RELN: variants seen among roughly 807,000 people sequenced by gnomAD.
RELN encodes the protein reelin.
In RELN, 108 loss-of-function variants were observed where a neutral mutation model predicts 427.6. The ratio of observed to expected loss-of-function variants is 0.25; its 90% CI spans 0.22 to 0.30. The LOEUF is 0.30. RELN is among the 10% of genes least tolerant of loss of function. RELN has a pLI of 1.00. For synonymous variants in RELN, 1,524 were observed against 1,513.4 expected (o/e 1.01, Z -0.16); for missense variants, 3,715 against 4,302.8 (o/e 0.86, Z 3.82).
chr7:103,923,270 C>T (rs1220912711), intron 1 of RELN, among the ~76,000 whole-genome samples: 1 of 152,116 alleles, frequency 6.6e-6, no homozygotes, highest in East Asian at 1.9e-4. Context: ...CCTTAAAGTG[C>T]CACTAGCTCT....
chr7:103,578,589 T>G (rs958059897), intron 28 of RELN, among the ~76,000 whole-genome samples: 2 of 152,228 alleles, frequency 1.3e-5, no homozygotes, highest in Non-Finnish European at 2.9e-5. Flanking sequence ...TGGTTCCTGA[T>G]GTCTGCTGCT....
At chr7:103,717,826 C>T (rs57349296) in intron 8 of RELN, among the ~76,000 whole-genome samples, 4,319 of 151,936 alleles carry the variant, frequency 0.028, 215 homozygotes, top group African/African-American at 0.099. Context: ...TCAGTAAGTT[C>T]GTGGAGGAAA....
At chr7:103,936,642 T>TAACTTTTCCCTCCCCC (rs375974030) in intron 1 of RELN, among the ~76,000 whole-genome samples, 1 of 151,864 alleles carries the variant, frequency 6.6e-6, no homozygotes. Context: ...TATCCACACT[T>TAACTTTTCCCTCCCCC]AACTTTTCCC....
intron 6 of RELN, among the ~76,000 whole-genome samples, chr7:103,743,347 G>A (rs1790721801): frequency 6.6e-6 from 1 of 152,262 alleles, no homozygotes; most frequent in African/African-American, 2.4e-5. Context: ...GGAAGAAACT[G>A]CACCAACTAA....
chr7:103,839,248 A>G lies in RELN; in HGVS notation c.338-5576T>C, dbSNP rs532984676. Among the ~76,000 whole-genome samples the G allele has an allele frequency of 2.0e-5, 3 of 149,486 alleles. No individual in the cohort carries two copies. The South Asian group carries it at 6.3e-4, about 31-fold the overall frequency. Reference sequence around the variant, plus strand: ...AATCCTAAAACCATCCCAAACATGTATTCTCTGGACCTTTCTATGCAACTT... The same window carrying G: ...AATCCTAAAACCATCCCAAACATGTGTTCTCTGGACCTTTCTATGCAACTT... On this transcript the variant is annotated intron_variant, in intron 2 of 64. Coordinates refer to ENST00000428762, the MANE Select transcript of RELN (RefSeq NM_005045.4).
At chr7:103,599,758 G>A (rs562437941) in intron 24 of RELN, among the ~76,000 whole-genome samples, 1 of 152,278 alleles carries the variant, frequency 6.6e-6, no homozygotes, top group Non-Finnish European at 1.5e-5. Context: ...AACTTGGATG[G>A]TGAGAAGAGC....
At chr7:103,549,127 T>G (rs1276017388) in intron 41 of RELN, among the ~76,000 whole-genome samples, 1 of 152,172 alleles carries the variant, frequency 6.6e-6, no homozygotes, top group East Asian at 1.9e-4. Flanking sequence ...GCTCTGTATC[T>G]AGAAGCCTGT....
chr7:103,472,779 T>A lies in RELN; in HGVS notation c.*33A>T, dbSNP rs750449216. The A allele has an allele frequency of 2.2e-5, 32 of 1,483,650 alleles. 1 individual carries two copies. Among genetic ancestry groups the A allele is most frequent in the Middle Eastern group, 3.5e-4 (2 of 5,794 alleles). The allele number at this position is 1,483,650 out of a possible 1,614,324, so 91.9% of individuals were successfully genotyped here. A position where few individuals can be genotyped will look rare whatever the true frequency, so the allele number is the denominator to read the frequency against. On this transcript the variant is annotated 3_prime_UTR_variant, in exon 65 of 65. Coordinates refer to ENST00000428762, the MANE Select transcript of RELN (RefSeq NM_005045.4). ...AAAGAATGGAGAGCAACACATCACA[T>A]GTTGGAAGAAAAAAAATAAACTTTT...
intron 3 of RELN, among the ~76,000 whole-genome samples, chr7:103,819,437 C>T (rs962710635): frequency 2.0e-5 from 3 of 151,936 alleles, no homozygotes; most frequent in African/African-American, 7.2e-5. Flanking sequence ...GTATATATTC[C>T]AGATATAATA....
intron 7 of RELN, among the ~76,000 whole-genome samples, chr7:103,723,762 C>G (rs988096849): frequency 6.6e-6 from 1 of 152,008 alleles, no homozygotes; most frequent in African/African-American, 2.4e-5. Context: ...AACCAGAAGC[C>G]TTGAACTGTA....
intron 2 of RELN, among the ~76,000 whole-genome samples, chr7:103,898,855 A>G (rs575039982): frequency 3.9e-5 from 6 of 152,232 alleles, no homozygotes; most frequent in Admixed American, 3.3e-4. Context: ...TTTAAATTAC[A>G]CAAGCAATTG....
At chr7:103,659,561 C>A (rs1833093792) in intron 12 of RELN, among the ~76,000 whole-genome samples, 1 of 152,048 alleles carries the variant, frequency 6.6e-6, no homozygotes, top group African/African-American at 2.4e-5. Flanking sequence ...AAATTTAAAT[C>A]ATGCCCATCC....
Position 103,658,162 on chromosome 7 carries a change from G to C in RELN, c.1441+3214C>G, listed in dbSNP as rs535546757. 8.5e-5 allele frequency among the ~76,000 whole-genome samples: 13 copies of C among 152,220 alleles called. No homozygotes were observed. The South Asian group carries it at 2.5e-3, about 29-fold the overall frequency. Reference sequence around the variant, plus strand: ...ACAGTGCTCTGTACTGGTCCTCAATGAATGTGTTGAATACGTCAATATATG... The same window carrying C: ...ACAGTGCTCTGTACTGGTCCTCAATCAATGTGTTGAATACGTCAATATATG... On this transcript the variant is annotated intron_variant, in intron 12 of 64. Coordinates refer to ENST00000428762, the MANE Select transcript of RELN (RefSeq NM_005045.4).
At chr7:103,757,776 G>A (rs969019542) in intron 4 of RELN, among the ~76,000 whole-genome samples, 1 of 152,188 alleles carries the variant, frequency 6.6e-6, no homozygotes, top group African/African-American at 2.4e-5. Flanking sequence ...AGAGGATACT[G>A]AATTGAAGAG....
At chr7:103,852,704 AAATAG>A (rs1221016887) in intron 2 of RELN, among the ~76,000 whole-genome samples, 1 of 151,936 alleles carries the variant, frequency 6.6e-6, no homozygotes, top group Admixed American at 6.6e-5. Flanking sequence ...GTTTGTTTTT[AAATAG>A]AATAAATTAA....
chr7:103,785,340 G>C lies in RELN; in HGVS notation c.474-8713C>G, dbSNP rs186340410. On this transcript the variant is annotated intron_variant, in intron 3 of 64. Coordinates refer to ENST00000428762, the MANE Select transcript of RELN (RefSeq NM_005045.4). ...AGGCAAGAACAAAACTGGAAAAATGGCATGTCAATTCCAAAGAAAATCCTA... is the reference window on the plus strand; with the variant it reads ...AGGCAAGAACAAAACTGGAAAAATGCCATGTCAATTCCAAAGAAAATCCTA... 1.4e-3 allele frequency among the ~76,000 whole-genome samples: 213 copies of C among 152,216 alleles called. 1 individual carries two copies. The highest frequency in any genetic ancestry group is 5.0e-3 in the African/African-American group (206 of 41,554).
intron 3 of RELN, among the ~76,000 whole-genome samples, chr7:103,778,032 T>C (rs1791790210): frequency 6.6e-6 from 1 of 152,228 alleles, no homozygotes; most frequent in Non-Finnish European, 1.5e-5. Flanking sequence ...TCAGCCCTTG[T>C]TGTTGCATAT....
chr7:103,782,715 T>C (rs1426717403), intron 3 of RELN, among the ~76,000 whole-genome samples: 2 of 152,168 alleles, frequency 1.3e-5, no homozygotes, highest in Non-Finnish European at 2.9e-5. Flanking sequence ...AAAGAAGGAA[T>C]ACAAAAGTAT....
At chr7:103,807,716 T>C (rs1055900359) in intron 3 of RELN, among the ~76,000 whole-genome samples, 4 of 152,198 alleles carry the variant, frequency 2.6e-5, no homozygotes, top group South Asian at 4.1e-4. Context: ...ATGTGGTGTT[T>C]AGTTTTCTGT....
Sources: allele counts gnomAD v4.1 joint callset (sites outside exome capture counted in the v4.1 genomes callset), GRCh38; gene constraint gnomAD v4.1.1; transcripts MANE v1.5; gene names NCBI Gene and HGNC (gene_info 2026-07-23, HGNC 2026-07-21).